RAPGEF2: variants seen among roughly 807,000 people sequenced by gnomAD.
RAPGEF2 encodes the protein PDZ domain containing guanine nucleotide exchange factor (GEF) 1.
In RAPGEF2, 54 loss-of-function variants were observed where a neutral mutation model predicts 186.7. The observed-to-expected ratio is 0.29, with a 90% CI of 0.23 to 0.36. The LOEUF (loss-of-function observed/expected upper bound fraction) is 0.36. Among genes scored for constraint, RAPGEF2 ranks in the 10% least tolerant of loss-of-function variants. The pLI, the probability that RAPGEF2 is intolerant of heterozygous loss-of-function variation, is 1.00. For missense variants in RAPGEF2, 1,532 were observed against 2,045.0 expected, an observed-to-expected ratio of 0.75 and a Z score of 4.84; for synonymous variants, 712 against 705.9, an observed-to-expected ratio of 1.01 and a Z score of -0.14.
chr4:159,306,355 C>T (rs1763302564), intron 8 of RAPGEF2, among the ~76,000 whole-genome samples: 1 of 151,846 alleles, frequency 6.6e-6, no homozygotes, highest in Non-Finnish European at 1.5e-5. Flanking sequence ...CCTCCTTGGT[C>T]GAATATATTC....
intron 17 of RAPGEF2, among the ~76,000 whole-genome samples, chr4:159,335,237 GC>G (rs1767238443): frequency 2.6e-5 from 4 of 152,176 alleles, no homozygotes. Context: ...TGGGGCATGA[GC>G]TCCCAGAATT....
chr4:159,303,846 C>T (rs944837591), intron 7 of RAPGEF2, among the ~76,000 whole-genome samples: 2 of 152,018 alleles, frequency 1.3e-5, no homozygotes, highest in Non-Finnish European at 2.9e-5. Flanking sequence ...TTTTCTCTTT[C>T]TTTGTAGAGC....
At chr4:159,351,303 T>C in intron 26 of RAPGEF2, 1 of 491,158 alleles carries the variant, frequency 2.0e-6, no homozygotes, top group Middle Eastern at 7.1e-4. Context: ...TTTCTGAAAC[T>C]TTTTTTTTTT....
chr4:159,276,812 A>C (rs1438148426), intron 7 of RAPGEF2, among the ~76,000 whole-genome samples: 1 of 151,938 alleles, frequency 6.6e-6, no homozygotes, highest in Non-Finnish European at 1.5e-5. Flanking sequence ...CATCCTCACA[A>C]AAGTTCATTA....
At chr4:159,226,847 A>T (rs773270694) in intron 4 of RAPGEF2, among the ~76,000 whole-genome samples, 2 of 152,210 alleles carry the variant, frequency 1.3e-5, no homozygotes, top group Non-Finnish European at 1.5e-5. Flanking sequence ...TCACTTACAG[A>T]ACAAGTATGG....
intron 1 of RAPGEF2, among the ~76,000 whole-genome samples, chr4:159,133,220 T>A (rs1741304631): frequency 6.6e-6 from 1 of 152,176 alleles, no homozygotes; most frequent in Non-Finnish European, 1.5e-5. Context: ...AGGGCTGCAA[T>A]GAATACCCCT....
At chr4:159,255,356 GTT>G (rs59760897) in intron 7 of RAPGEF2, among the ~76,000 whole-genome samples, 1 of 145,432 alleles carries the variant, frequency 6.9e-6, no homozygotes. Flanking sequence ...TGAATATATA[GTT>G]TTTTTTTTTT....
rs1579572400 is a variant in RAPGEF2 at position 159,241,460 on chromosome 4, C to A, written c.525+92C>A. 5 of 669,568 alleles carry A rather than the reference C, an allele frequency of 7.5e-6. No homozygotes were observed. In the East Asian group the frequency reaches 1.7e-4, roughly 23 times the overall value. The allele number at this position is 669,568 out of a possible 1,614,324, so 41.5% of individuals were successfully genotyped here. A position where few individuals can be genotyped will look rare whatever the true frequency, so the allele number is the denominator to read the frequency against. On this transcript the variant is annotated intron_variant, in intron 6 of 29. Transcript: ENST00000691494. ...TTTAAGTTTTCCATTTTTGACAAAT[C>A]TTTTCAATTATATATATATACACAC...
intron 1 of RAPGEF2, among the ~76,000 whole-genome samples, chr4:159,172,223 T>C (rs1032775434): frequency 3.3e-5 from 5 of 152,322 alleles, no homozygotes; most frequent in African/African-American, 1.2e-4. Flanking sequence ...AAATATTTTA[T>C]AGCTTCCTTT....
chr4:159,259,810 A>T (rs982932317), intron 7 of RAPGEF2, among the ~76,000 whole-genome samples: 3 of 152,168 alleles, frequency 2.0e-5, no homozygotes, highest in Admixed American at 2.0e-4. Flanking sequence ...AAATATAAGT[A>T]AATCAAAGAG....
chr4:159,261,211 C>T (rs888378325), intron 7 of RAPGEF2, among the ~76,000 whole-genome samples: 2 of 152,086 alleles, frequency 1.3e-5, no homozygotes, highest in East Asian at 3.9e-4. Context: ...ACAGGCACTG[C>T]CACCAAGACT....
chr4:159,114,662 A>T (rs1200864752), intron 1 of RAPGEF2, among the ~76,000 whole-genome samples: 1 of 152,250 alleles, frequency 6.6e-6, no homozygotes. Flanking sequence ...AATATTTGTT[A>T]TAAGAAAAAT....
At chr4:159,223,247 A>G (rs1000379093) in intron 4 of RAPGEF2, among the ~76,000 whole-genome samples, 3 of 152,172 alleles carry the variant, frequency 2.0e-5, no homozygotes, top group Non-Finnish European at 2.9e-5. Flanking sequence ...GCTATTAAAT[A>G]GAAAATAGAA....
At chr4:159,104,716 G>A (rs1560965477) in intron 1 of RAPGEF2, among the ~76,000 whole-genome samples, 1 of 152,156 alleles carries the variant, frequency 6.6e-6, no homozygotes, top group Non-Finnish European at 1.5e-5. Flanking sequence ...CCCCTTGCAA[G>A]TGACCCTTGG....
chr4:159,103,321 C>A lies in RAPGEF2; in HGVS notation c.-842C>A, dbSNP rs1737389615. On this transcript the variant is annotated 5_prime_UTR_variant, in exon 1 of 30. Coordinates refer to ENST00000691494, the MANE Select transcript of RAPGEF2 (RefSeq NM_001394067.2). ...GAGCGACTGGGCCGGAGGGCTGCAG[C>A]CCGGGCCGGGTGCTCTGGCCGCGGC... The A allele has an allele frequency of 2.0e-5, 3 of 152,034 alleles. No homozygotes were observed. The South Asian group carries it at 5.3e-4, about 27-fold the overall frequency. 9.4% of individuals were successfully genotyped at this position (152,034 alleles called of 1,614,324 possible). A position where few individuals can be genotyped will look rare whatever the true frequency, so the allele number is the denominator to read the frequency against.
intron 3 of RAPGEF2, among the ~76,000 whole-genome samples, chr4:159,206,181 C>CGCGA (rs1171584523): frequency 6.6e-6 from 1 of 152,230 alleles, no homozygotes; most frequent in African/African-American, 2.4e-5. Flanking sequence ...CCACCCACCT[C>CGCGA]TGCCTTCCGA....
At chr4:159,343,245 C>A in intron 21 of RAPGEF2, 36 bp from the exon 22 acceptor site, 2 of 1,614,018 alleles carry the variant, frequency 1.2e-6, no homozygotes, top group Non-Finnish European at 1.7e-6. Context: ...AGAATAAATG[C>A]CATGTGATTT....
intron 3 of RAPGEF2, among the ~76,000 whole-genome samples, chr4:159,194,201 C>T (rs1428100862): frequency 6.6e-6 from 1 of 152,070 alleles, no homozygotes. Context: ...GGTGACGGGG[C>T]CTGGCCTGAT....
chr4:159,138,460 A>G (rs1316451875), intron 1 of RAPGEF2, among the ~76,000 whole-genome samples: 1 of 152,194 alleles, frequency 6.6e-6, no homozygotes, highest in Non-Finnish European at 1.5e-5. Flanking sequence ...AAATTTAAGC[A>G]GGTGTAGGGA....
Sources: allele counts gnomAD v4.1 joint callset (sites outside exome capture counted in the v4.1 genomes callset), GRCh38; gene constraint gnomAD v4.1.1; transcripts MANE v1.5; gene names NCBI Gene and HGNC (gene_info 2026-07-23, HGNC 2026-07-21).